RASSF8: variants seen among roughly 807,000 people sequenced by gnomAD.
RASSF8 encodes the protein ras association domain-containing protein 8.
RASSF8 carries 22 observed loss-of-function variants against 48.5 expected under a neutral mutation model. That is an observed-to-expected ratio of 0.45 (90% CI 0.32 to 0.65). The LOEUF is 0.65. Ranked by LOEUF, RASSF8 falls within the 30% of genes least tolerant of loss-of-function variation. RASSF8 has a pLI of 0.03. For missense variants in RASSF8, 418 were observed against 489.2 expected (o/e 0.85, Z 1.37); for synonymous variants, 127 against 171.5 (o/e 0.74, Z 2.03).
intron 2 of RASSF8, among the ~76,000 whole-genome samples, chr12:26,054,249 G>A (rs1943553574): frequency 6.6e-6 from 1 of 152,034 alleles, no homozygotes; most frequent in Non-Finnish European, 1.5e-5. Flanking sequence ...TAAACCCACA[G>A]GAAAAAGAAT....
chr12:26,064,410 A>G, intron 3 of RASSF8, 88 bp from the exon 4 acceptor site: 1 of 1,315,490 alleles, frequency 7.6e-7, no homozygotes, highest in East Asian at 2.4e-5. Flanking sequence ...CTAATCGAAA[A>G]TACACAATCA....
chr12:26,003,934 T>C (rs1179136694), intron 2 of RASSF8, among the ~76,000 whole-genome samples: 2 of 152,160 alleles, frequency 1.3e-5, no homozygotes, highest in African/African-American at 4.8e-5. Context: ...CCTAGCACTT[T>C]AGGAGGCTGA....
intron 2 of RASSF8, among the ~76,000 whole-genome samples, chr12:26,019,920 G>T (rs1363351151): frequency 2.0e-5 from 3 of 151,988 alleles, no homozygotes; most frequent in Admixed American, 1.3e-4. Context: ...GTGTCTCTGA[G>T]GTACCTCAGA....
chr12:26,042,594 T>C (rs16929940), intron 2 of RASSF8, among the ~76,000 whole-genome samples: 5,857 of 152,266 alleles, frequency 0.038, 532 homozygotes, highest in East Asian at 0.27. Context: ...TGTGTCAGGA[T>C]AATTTTATAC....
At chr12:25,983,697 A>G (rs1281461954) in intron 1 of RASSF8, among the ~76,000 whole-genome samples, 5 of 152,204 alleles carry the variant, frequency 3.3e-5, no homozygotes, top group Admixed American at 6.5e-5. Context: ...TACCAAAAAA[A>G]GAAAAAAAAC....
chr12:25,987,996 C>T (rs1285953160), intron 1 of RASSF8, among the ~76,000 whole-genome samples: 1 of 151,430 alleles, frequency 6.6e-6, no homozygotes, highest in African/African-American at 2.4e-5. Flanking sequence ...GGACTACAGG[C>T]ATGCACTACC....
chr12:25,998,085 A>G (rs756539747), intron 2 of RASSF8, among the ~76,000 whole-genome samples: 16 of 152,196 alleles, frequency 1.1e-4, no homozygotes, highest in Admixed American at 7.2e-4. Flanking sequence ...TTAACGTGCA[A>G]GTCTAATATT....
At chr12:26,017,398 A>C (rs1318877265) in intron 2 of RASSF8, among the ~76,000 whole-genome samples, 1 of 152,178 alleles carries the variant, frequency 6.6e-6, no homozygotes, top group Non-Finnish European at 1.5e-5. Flanking sequence ...CAAGAATGTA[A>C]GACTAGCAGA....
chr12:26,026,000 C>T (rs191192326), intron 2 of RASSF8, among the ~76,000 whole-genome samples: 6 of 152,210 alleles, frequency 3.9e-5, no homozygotes, highest in South Asian at 4.1e-4. Context: ...AGATCAAAGA[C>T]TTAAATGTAA....
At position 26,067,559 on chromosome 12, in the gene RASSF8, T is replaced by A; in HGVS notation, c.994-10T>A. On this transcript the variant is annotated splice_polypyrimidine_tract_variant and intron_variant, in intron 4 of 5. Transcript: ENST00000689635. ...TCCTCAAATTTAAAAAAATAATAAT[T>A]TCCATCTAGGACAAAGAACAGGAAC... 6.2e-7 allele frequency: 1 copy of A among 1,603,710 alleles called. No individual in the cohort carries two copies. Among genetic ancestry groups the A allele is most frequent in the Non-Finnish European group, 8.5e-7 (1 of 1,174,466 alleles).
At chr12:25,983,100 T>C (rs1294577164) in intron 1 of RASSF8, among the ~76,000 whole-genome samples, 1 of 152,188 alleles carries the variant, frequency 6.6e-6, no homozygotes, top group Non-Finnish European at 1.5e-5. Flanking sequence ...GCATCATCGA[T>C]AGAACCAGCC....
intron 1 of RASSF8, among the ~76,000 whole-genome samples, chr12:25,979,092 A>C (rs2136898950): frequency 6.6e-6 from 1 of 152,288 alleles, no homozygotes; most frequent in South Asian, 2.1e-4. Context: ...GCTCAAAAAG[A>C]AGCTTGGGCT....
intron 2 of RASSF8, among the ~76,000 whole-genome samples, chr12:26,027,541 G>A (rs1209604468): frequency 2.6e-5 from 4 of 152,202 alleles, no homozygotes; most frequent in Admixed American, 1.3e-4. Context: ...ATGCTTTCAT[G>A]TTTTCATGAT....
chr12:26,067,197 T>G (rs1244360699), intron 4 of RASSF8, among the ~76,000 whole-genome samples: 1 of 151,756 alleles, frequency 6.6e-6, no homozygotes, highest in South Asian at 2.1e-4. Context: ...ACCTGTGGGG[T>G]TTTTTCTTTT....
At chr12:26,004,531 C>G (rs559762812) in intron 2 of RASSF8, among the ~76,000 whole-genome samples, 11 of 152,098 alleles carry the variant, frequency 7.2e-5, no homozygotes, top group Non-Finnish European at 1.6e-4. Flanking sequence ...GAAGGCTTAC[C>G]AATAACATAC....
chr12:25,966,231 TTTA>T (rs1300882052), intron 1 of RASSF8, among the ~76,000 whole-genome samples: 1 of 152,182 alleles, frequency 6.6e-6, no homozygotes, highest in Non-Finnish European at 1.5e-5. Context: ...TTTGTGGTAT[TTTA>T]TTGTGGGTTT....
chr12:26,001,158 A>AT (rs1405350004), intron 2 of RASSF8, among the ~76,000 whole-genome samples: 1 of 147,584 alleles, frequency 6.8e-6, no homozygotes, highest in Non-Finnish European at 1.5e-5. Flanking sequence ...CTAATTTTTA[A>AT]TTTTTTAAAA....
chr12:26,055,696 G>T (rs1416890930), intron 3 of RASSF8, among the ~76,000 whole-genome samples: 1 of 152,072 alleles, frequency 6.6e-6, no homozygotes, highest in East Asian at 1.9e-4. Context: ...CTGTTGTTCA[G>T]CCTAAACAGT....
chr12:25,987,819 G>T (rs1222785029), intron 1 of RASSF8, among the ~76,000 whole-genome samples: 1 of 151,984 alleles, frequency 6.6e-6, no homozygotes, highest in Admixed American at 6.6e-5. Context: ...GAAGGTCATT[G>T]TTGCTTGAAA....
Sources: allele counts gnomAD v4.1 joint callset (sites outside exome capture counted in the v4.1 genomes callset), GRCh38; gene constraint gnomAD v4.1.1; transcripts MANE v1.5; gene names NCBI Gene and HGNC (gene_info 2026-07-23, HGNC 2026-07-21).